GSTCD: variants seen among roughly 807,000 people sequenced by gnomAD.
The protein encoded by GSTCD is glutathione S-transferase C-terminal domain containing, also known as glutathione S-transferase C-terminal domain-containing protein.
In GSTCD, 44 loss-of-function variants were observed where a neutral mutation model predicts 68.3. The ratio of observed to expected loss-of-function variants is 0.64; its 90% confidence interval spans 0.51 to 0.83. The LOEUF (loss-of-function observed/expected upper bound fraction) is 0.83. Among genes scored for constraint, GSTCD ranks in the 40% least tolerant of loss-of-function variants. The pLI is 0.00. For synonymous variants in GSTCD, 273 were observed against 255.2 expected, an observed-to-expected ratio of 1.07 and a Z score of -0.67; for missense variants, 739 against 735.9, an observed-to-expected ratio of 1.00 and a Z score of -0.05.
chr4:105,723,543 GT>G (rs1360654156), intron 3 of GSTCD, among the ~76,000 whole-genome samples: 7 of 151,734 alleles, frequency 4.6e-5, no homozygotes, highest in Admixed American at 4.6e-4. Context: ...ATGTGTATAG[GT>G]TATATGCAAA....
At chr4:105,763,933 A>T (rs1734510022) in intron 5 of GSTCD, among the ~76,000 whole-genome samples, 1 of 152,128 alleles carries the variant, frequency 6.6e-6, no homozygotes, top group South Asian at 2.1e-4. Context: ...CCTTAGAATT[A>T]TTATTGGTCA....
At chr4:105,825,053 T>C (rs1723520392) in intron 7 of GSTCD, among the ~76,000 whole-genome samples, 2 of 152,144 alleles carry the variant, frequency 1.3e-5, no homozygotes. Flanking sequence ...GTATTATTAT[T>C]ATTTTTGATG....
chr4:105,824,259 T>C (rs959936700), intron 7 of GSTCD, among the ~76,000 whole-genome samples: 3 of 152,106 alleles, frequency 2.0e-5, no homozygotes, highest in Non-Finnish European at 4.4e-5. Context: ...GGAAAATAAA[T>C]AAGGAATCCT....
At chr4:105,775,540 T>G (rs1735022609) in intron 5 of GSTCD, among the ~76,000 whole-genome samples, 1 of 152,208 alleles carries the variant, frequency 6.6e-6, no homozygotes. Context: ...TGTGTGGACG[T>G]CCTTTTTGTT....
intron 1 of GSTCD, among the ~76,000 whole-genome samples, chr4:105,715,788 A>G (rs1201182788): frequency 6.6e-6 from 1 of 151,954 alleles, no homozygotes; most frequent in Admixed American, 6.6e-5. Context: ...GTGCATGTGT[A>G]CTTTTTAACA....
At chr4:105,735,201 T>C (rs757855886) in intron 5 of GSTCD, among the ~76,000 whole-genome samples, 9 of 152,146 alleles carry the variant, frequency 5.9e-5, no homozygotes, top group Non-Finnish European at 1.2e-4. Context: ...ACTACTCTCT[T>C]CAAAGCTGTA....
At chr4:105,743,722 G>A (rs199519497) in intron 5 of GSTCD, among the ~76,000 whole-genome samples, 2 of 135,132 alleles carry the variant, frequency 1.5e-5, no homozygotes, top group African/African-American at 2.9e-5. Flanking sequence ...GCGGTGGCAC[G>A]ATCTTGGCTT....
At chr4:105,837,837 A>AT in intron 9 of GSTCD, 22 bp from the exon 10 acceptor site, 5 of 995,926 alleles carry the variant, frequency 5.0e-6, no homozygotes, top group Non-Finnish European at 7.5e-6. Context: ...ATGATGACTA[A>AT]TTCCTTTTTT....
At chr4:105,815,749 C>G (rs909504167) in intron 5 of GSTCD, among the ~76,000 whole-genome samples, 72 of 152,196 alleles carry the variant, frequency 4.7e-4, no homozygotes, top group Non-Finnish European at 7.5e-4. Context: ...CTGTTGTTAA[C>G]TTAAGCCTCT....
At chr4:105,748,070 T>C (rs985736227) in intron 5 of GSTCD, among the ~76,000 whole-genome samples, 4 of 151,874 alleles carry the variant, frequency 2.6e-5, no homozygotes, top group Non-Finnish European at 5.9e-5. Context: ...GCCTGTCCAA[T>C]AAGGTAAAAC....
At position 105,799,814 on chromosome 4, in the gene GSTCD, CA is replaced by C. The variant is rs5860815; in HGVS notation, c.1241-23124del. 6.9e-3 allele frequency among the ~76,000 whole-genome samples: 797 copies of C among 116,338 alleles called. 2 individuals carry two copies. Among genetic ancestry groups the C allele is most frequent in the South Asian group, 0.022 (75 of 3,390 alleles). The allele number at this position is 116,338 out of a possible 152,430, so 76.3% of individuals were successfully genotyped here. On this transcript the variant is annotated intron_variant, in intron 5 of 11. Transcript: ENST00000515279. ...CACTGATAGACTTAACACAGCGTTG[CA>C]AAAAAAAAAAAAAAATCTTCATTTT...
intron 5 of GSTCD, among the ~76,000 whole-genome samples, chr4:105,820,230 A>G (rs1338894029): frequency 6.6e-6 from 1 of 151,492 alleles, no homozygotes; most frequent in South Asian, 2.1e-4. Context: ...TTACCTCTGT[A>G]CTTTCTTTTC....
At chr4:105,821,770 C>A (rs1040204099) in intron 5 of GSTCD, among the ~76,000 whole-genome samples, 2 of 151,702 alleles carry the variant, frequency 1.3e-5, no homozygotes, top group Non-Finnish European at 3.0e-5. Context: ...ATATTTTATA[C>A]CTAGCTAGAA....
chr4:105,718,384 T>C (rs1271322097), intron 2 of GSTCD, among the ~76,000 whole-genome samples: 1 of 152,120 alleles, frequency 6.6e-6, no homozygotes. Flanking sequence ...AAGCGCCTGG[T>C]ACCTCTTCCT....
intron 5 of GSTCD, among the ~76,000 whole-genome samples, chr4:105,820,881 A>AT (rs11411294): frequency 0.82 from 123,653 of 151,698 alleles, 50,802 homozygotes; most frequent in East Asian, 0.96. Context: ...TAAATTTCTA[A>AT]TAAAAATGTG....
chr4:105,806,410 G>T lies in GSTCD; in HGVS notation c.1241-16544G>T, dbSNP rs113146580. Reference sequence around the variant, plus strand: ...CTTAGCATAGTACTGCCATGTAGGAGGATTCCAATAAATGGTTTATATTAT... The same window carrying T: ...CTTAGCATAGTACTGCCATGTAGGATGATTCCAATAAATGGTTTATATTAT... On this transcript the variant is annotated intron_variant, in intron 5 of 11. Coordinates refer to ENST00000515279, the MANE Select transcript of GSTCD (RefSeq NM_001370181.1). Among the ~76,000 whole-genome samples the T allele has an allele frequency of 8.1e-3, 1,231 of 152,100 alleles. 9 individuals carry two copies. Among genetic ancestry groups the T allele is most frequent in the Middle Eastern group, 0.017 (5 of 294 alleles).
intron 5 of GSTCD, among the ~76,000 whole-genome samples, chr4:105,776,429 C>T (rs368500559): frequency 2.6e-5 from 4 of 152,120 alleles, no homozygotes; most frequent in African/African-American, 9.7e-5. Flanking sequence ...CCCAAACAGC[C>T]GCCCAGTTTT....
At position 105,845,596 on chromosome 4, in the gene GSTCD, G is replaced by T; in HGVS notation, c.*19G>T. The T allele has an allele frequency of 6.2e-7, 1 of 1,613,288 alleles. No homozygotes were observed. The highest frequency in any genetic ancestry group is 1.1e-5 in the South Asian group (1 of 91,032). ...CATTTAAAATGAGATATTCACATTT[G>T]ATATTTTGCCATCCGTCTTCACGTT... On this transcript the variant is annotated 3_prime_UTR_variant, in exon 12 of 12. Transcript: ENST00000515279.
rs147812152 is a variant in GSTCD at position 105,730,069 on chromosome 4, A to T, written c.1240+570A>T. Among the ~76,000 whole-genome samples the T allele has an allele frequency of 7.0e-4, 106 of 152,332 alleles. 2 individuals carry two copies. The East Asian group carries it at 0.016, about 23-fold the overall frequency. On this transcript the variant is annotated intron_variant, in intron 5 of 11. Transcript: ENST00000515279. ...CACCCATGTCCCTACAAAGGACATG[A>T]ACTCATCCTTTTTTATGGCTGCATA...
Sources: allele counts gnomAD v4.1 joint callset (sites outside exome capture counted in the v4.1 genomes callset), GRCh38; gene constraint gnomAD v4.1.1; transcripts MANE v1.5; gene names NCBI Gene and HGNC (gene_info 2026-07-23, HGNC 2026-07-21).